Variants in RNU12 observed in about 807,000 individuals in gnomAD.
RNU12 encodes RNA, U12 small nuclear.
rs548281798 is a variant in RNU12 at position 42,615,329 on chromosome 22, G to A, written n.86G>A. The A allele has an allele frequency of 1.5e-4, 26 of 171,132 alleles. No individual in the cohort carries two copies. Among genetic ancestry groups the A allele is most frequent in the Non-Finnish European group, 2.0e-4 (16 of 78,536 alleles). The allele number at this position is 171,132 out of a possible 1,614,324, so 10.6% of individuals were successfully genotyped here. A position where few individuals can be genotyped will look rare whatever the true frequency, so the allele number is the denominator to read the frequency against. ...CTAATGTGAGACGAATTTTTGAGCG[G>A]GTAAAGGTCGCCCTCAAGGTGACCC... is the stretch of plus-strand genomic sequence containing the variant. On this transcript the variant is annotated non_coding_transcript_exon_variant, in exon 1 of 1. Coordinates refer to ENST00000362512, the Ensembl canonical transcript of RNU12.
At chr22:42,615,306 A>C (rs564543861) in exon 1 of RNU12, 8 of 183,652 alleles carry the variant, frequency 4.4e-5, no homozygotes, top group South Asian at 7.4e-5. Flanking sequence ...CCTCACTGCT[A>C]ATGTGAGACG....
Position 42,615,330 on chromosome 22 carries a change from G to GT in RNU12, n.88dup, listed in dbSNP as rs538456065. The GT allele has an allele frequency of 4.7e-5, 8 of 171,428 alleles. No homozygotes were observed. In the East Asian group the frequency reaches 7.5e-4, roughly 16 times the overall value. 10.6% of individuals were successfully genotyped at this position (171,428 alleles called of 1,614,324 possible). ...TAATGTGAGACGAATTTTTGAGCGG[G>GT]TAAAGGTCGCCCTCAAGGTGACCCG... On this transcript the variant is annotated non_coding_transcript_exon_variant, in exon 1 of 1. Coordinates refer to ENST00000362512, the Ensembl canonical transcript of RNU12.
exon 1 of RNU12, chr22:42,615,279 C>G (rs771269952): frequency 6.5e-5 from 13 of 200,066 alleles, no homozygotes; most frequent in African/African-American, 9.6e-5. Flanking sequence ...AATAACGATT[C>G]GGGGTGACGC....
chr22:42,615,283 G>A (rs1055975165), exon 1 of RNU12: 11 of 205,940 alleles, frequency 5.3e-5, no homozygotes, highest in East Asian at 1.8e-4. Flanking sequence ...ACGATTCGGG[G>A]TGACGCCCGA....
exon 1 of RNU12, chr22:42,615,328 G>C (rs368097733): frequency 1.8e-5 from 3 of 171,414 alleles, no homozygotes; most frequent in Non-Finnish European, 3.8e-5. Flanking sequence ...ATTTTTGAGC[G>C]GGTAAAGGTC....
chr22:42,615,370 T>G lies in RNU12; in HGVS notation n.127T>G, dbSNP rs1475875333. 4.5e-5 allele frequency: 7 copies of G among 157,186 alleles called. No homozygotes were observed. The East Asian group carries it at 7.7e-4, about 17-fold the overall frequency. 9.7% of individuals were successfully genotyped at this position (157,186 alleles called of 1,614,324 possible). A position where few individuals can be genotyped will look rare whatever the true frequency, so the allele number is the denominator to read the frequency against. Reference sequence around the variant, plus strand: ...AAGGTGACCCGCCTACTTTGCGGGATGCCTGGGAGTTGCGATCTGCCCGAC... The same window carrying G: ...AAGGTGACCCGCCTACTTTGCGGGAGGCCTGGGAGTTGCGATCTGCCCGAC... On this transcript the variant is annotated non_coding_transcript_exon_variant, in exon 1 of 1. Coordinates refer to ENST00000362512, the Ensembl canonical transcript of RNU12.
exon 1 of RNU12, chr22:42,615,280 G>A (rs760081303): frequency 2.9e-5 from 6 of 206,548 alleles, no homozygotes; most frequent in South Asian, 5.4e-5. Context: ...ATAACGATTC[G>A]GGGTGACGCC....
At chr22:42,615,371 G>A (rs376006083) in exon 1 of RNU12, 48 of 157,106 alleles carry the variant, frequency 3.1e-4, no homozygotes, top group South Asian at 8.9e-4. Context: ...TTTGCGGGAT[G>A]CCTGGGAGTT....
At chr22:42,615,251 A>G in exon 1 of RNU12, 1 of 230,392 alleles carries the variant, frequency 4.3e-6, no homozygotes. Flanking sequence ...CTTATGCCTT[A>G]AACTTATGAG....
exon 1 of RNU12, chr22:42,615,346 A>C: frequency 6.2e-6 from 1 of 161,506 alleles, no homozygotes; most frequent in Non-Finnish European, 1.4e-5. Flanking sequence ...GTCGCCCTCA[A>C]GGTGACCCGC....
chr22:42,615,318 A>AT (rs1370853957), exon 1 of RNU12: 13 of 174,126 alleles, frequency 7.5e-5, no homozygotes, highest in African/African-American at 2.2e-4. Context: ...TGTGAGACGA[A>AT]TTTTTGAGCG....
Position 42,615,357 on chromosome 22 carries a change from C to G in RNU12, n.114C>G, listed in dbSNP as rs761976485. 29 of 157,824 alleles carry G rather than the reference C, an allele frequency of 1.8e-4. No homozygotes were observed. The highest frequency in any genetic ancestry group is 1.4e-4 in the South Asian group (1 of 6,984). The allele number at this position is 157,824 out of a possible 1,614,324, so 9.8% of individuals were successfully genotyped here. A position where few individuals can be genotyped will look rare whatever the true frequency, so the allele number is the denominator to read the frequency against. On this transcript the variant is annotated non_coding_transcript_exon_variant, in exon 1 of 1. Coordinates refer to ENST00000362512, the Ensembl canonical transcript of RNU12. ...AAAGGTCGCCCTCAAGGTGACCCGCCTACTTTGCGGGATGCCTGGGAGTTG... is the reference window on the plus strand; with the variant it reads ...AAAGGTCGCCCTCAAGGTGACCCGCGTACTTTGCGGGATGCCTGGGAGTTG...
chr22:42,615,273 A>G (rs530354474), exon 1 of RNU12: 3 of 206,622 alleles, frequency 1.5e-5, no homozygotes, highest in South Asian at 5.4e-5. Context: ...AAGGAAAATA[A>G]CGATTCGGGG....
chr22:42,615,301 C>T (rs545446459), exon 1 of RNU12: 20 of 193,878 alleles, frequency 1.0e-4, no homozygotes, highest in East Asian at 7.2e-4. Flanking sequence ...CGAATCCTCA[C>T]TGCTAATGTG....
rs557518992 is a variant in RNU12, at chr22:42,615,385, A to T, written n.142A>T. Reference sequence around the variant, plus strand: ...CTTTGCGGGATGCCTGGGAGTTGCGATCTGCCCGACCTTATTCACGCCTAA... The same window carrying T: ...CTTTGCGGGATGCCTGGGAGTTGCGTTCTGCCCGACCTTATTCACGCCTAA... On this transcript the variant is annotated non_coding_transcript_exon_variant, in exon 1 of 1. Transcript: ENST00000362512. 3 of 156,732 alleles carry T rather than the reference A, an allele frequency of 1.9e-5. No homozygotes were observed. The Admixed American group carries it at 1.9e-4, about 10-fold the overall frequency. 9.7% of individuals were successfully genotyped at this position (156,732 alleles called of 1,614,324 possible).
chr22:42,615,302 T>C (rs142645696), exon 1 of RNU12: 15 of 186,910 alleles, frequency 8.0e-5, no homozygotes, highest in Non-Finnish European at 1.7e-4. Context: ...GAATCCTCAC[T>C]GCTAATGTGA....
chr22:42,615,334 A>G (rs948961087), exon 1 of RNU12: 3 of 170,676 alleles, frequency 1.8e-5, no homozygotes, highest in Non-Finnish European at 2.6e-5. Flanking sequence ...GAGCGGGTAA[A>G]GGTCGCCCTC....
chr22:42,615,340 C>G (rs59723509), exon 1 of RNU12: 2 of 162,734 alleles, frequency 1.2e-5, no homozygotes, highest in Admixed American at 6.4e-5. Context: ...GTAAAGGTCG[C>G]CCTCAAGGTG....
exon 1 of RNU12, chr22:42,615,293 A>G (rs144543438): frequency 2.9e-5 from 6 of 205,478 alleles, no homozygotes; most frequent in Non-Finnish European, 6.1e-5. Context: ...GTGACGCCCG[A>G]ATCCTCACTG....
Sources: allele counts gnomAD v4.1 joint callset, GRCh38; gene constraint gnomAD v4.1.1; transcripts MANE v1.5; gene names NCBI Gene and HGNC (gene_info 2026-07-23, HGNC 2026-07-21).